Variants in ARSB observed in about 807,000 individuals in gnomAD.
The protein encoded by ARSB is arylsulfatase B.
A neutral mutation model predicts 50.9 loss-of-function variants in ARSB; 41 were observed. The observed-to-expected ratio is 0.81, with a 90% CI of 0.63 to 1.04. The LOEUF (loss-of-function observed/expected upper bound fraction) is 1.04. Among genes scored for constraint, ARSB ranks in the 50% least tolerant of loss-of-function variants. ARSB has a pLI of 0.00. For synonymous variants in ARSB, 269 were observed against 284.8 expected, an observed-to-expected ratio of 0.94 and a Z score of 0.56; for missense variants, 672 against 693.3, an observed-to-expected ratio of 0.97 and a Z score of 0.35.
At chr5:78,865,140 T>A in intron 5 of ARSB, among the ~76,000 whole-genome samples, 1 of 137,888 alleles carries the variant, frequency 7.3e-6, no homozygotes, top group Middle Eastern at 3.5e-3. Flanking sequence ...TGGCCCCACA[T>A]TTCCCTTCCA....
At chr5:78,829,202 C>A (rs957767010) in intron 6 of ARSB, among the ~76,000 whole-genome samples, 7 of 152,138 alleles carry the variant, frequency 4.6e-5, no homozygotes, top group African/African-American at 7.2e-5. Context: ...TGAAAACATT[C>A]AAAAAATACG....
At chr5:78,835,965 T>A (rs1452869982) in intron 6 of ARSB, among the ~76,000 whole-genome samples, 1 of 152,170 alleles carries the variant, frequency 6.6e-6, no homozygotes, top group East Asian at 1.9e-4. Context: ...TTGTTAACCC[T>A]CAGTTTACAC....
At chr5:78,945,677 C>T (rs1186072590) in intron 4 of ARSB, among the ~76,000 whole-genome samples, 1 of 152,192 alleles carries the variant, frequency 6.6e-6, no homozygotes, top group African/African-American at 2.4e-5. Context: ...TGAGTGGACC[C>T]CTGGGTCATG....
chr5:78,831,710 T>C (rs997617859), intron 6 of ARSB, among the ~76,000 whole-genome samples: 1 of 152,128 alleles, frequency 6.6e-6, no homozygotes. Context: ...TTCACTTGGA[T>C]TATAAAGAGT....
intron 5 of ARSB, among the ~76,000 whole-genome samples, chr5:78,850,270 T>G (rs77242603): frequency 3.4e-5 from 5 of 146,168 alleles, no homozygotes; most frequent in South Asian, 2.2e-4. Context: ...TAGCATGAAG[T>G]GTTGTTGAGT....
At chr5:78,813,170 T>A (rs1373510917) in intron 6 of ARSB, among the ~76,000 whole-genome samples, 2 of 152,030 alleles carry the variant, frequency 1.3e-5, no homozygotes, top group Non-Finnish European at 2.9e-5. Context: ...GTTCAAGTGA[T>A]TCTCCTGCCT....
At chr5:78,830,343 T>C (rs1744617781) in intron 6 of ARSB, among the ~76,000 whole-genome samples, 1 of 152,200 alleles carries the variant, frequency 6.6e-6, no homozygotes, top group Admixed American at 6.5e-5. Context: ...TCAAATGGCC[T>C]AACTCCAGAT....
chr5:78,838,724 G>A (rs148400898), intron 6 of ARSB, among the ~76,000 whole-genome samples: 143 of 152,332 alleles, frequency 9.4e-4, no homozygotes, highest in African/African-American at 3.3e-3. Context: ...AGGGCCACTC[G>A]CATGGTATTT....
At chr5:78,814,463 A>G (rs1362579136) in intron 6 of ARSB, among the ~76,000 whole-genome samples, 3 of 151,022 alleles carry the variant, frequency 2.0e-5, no homozygotes, top group African/African-American at 7.4e-5. Flanking sequence ...CTCTCACCAC[A>G]TAAAGCTACT....
chr5:78,800,210 C>A (rs1743333607), intron 6 of ARSB, among the ~76,000 whole-genome samples: 1 of 151,744 alleles, frequency 6.6e-6, no homozygotes, highest in African/African-American at 2.4e-5. Context: ...CCCAGCTACT[C>A]AGGAGGCTGA....
At chr5:78,920,827 G>T (rs1210340279) in intron 4 of ARSB, among the ~76,000 whole-genome samples, 1 of 152,126 alleles carries the variant, frequency 6.6e-6, no homozygotes, top group African/African-American at 2.4e-5. Context: ...TGCTTCCTCT[G>T]CAGCCTTGTT....
intron 4 of ARSB, among the ~76,000 whole-genome samples, chr5:78,892,190 G>A (rs1410064008): frequency 1.4e-5 from 2 of 147,780 alleles, no homozygotes; most frequent in East Asian, 2.0e-4. Context: ...AAAACATCAC[G>A]TTTTCATAAG....
intron 1 of ARSB, 82 bp downstream of exon 1, chr5:78,984,855 G>C: frequency 8.8e-7 from 1 of 1,131,810 alleles, no homozygotes; most frequent in Non-Finnish European, 1.1e-6. Flanking sequence ...CAGCGCCCGC[G>C]GCCTCAAGGG....
intron 5 of ARSB, among the ~76,000 whole-genome samples, chr5:78,871,362 A>G (rs915529450): frequency 9.9e-5 from 15 of 151,954 alleles, no homozygotes; most frequent in African/African-American, 3.6e-4. Context: ...TGCCAAGTCA[A>G]TCCTAAGCCA....
At chr5:78,875,054 A>G (rs1033360860) in intron 5 of ARSB, among the ~76,000 whole-genome samples, 2 of 152,216 alleles carry the variant, frequency 1.3e-5, no homozygotes, top group Non-Finnish European at 2.9e-5. Flanking sequence ...CAGAAGTTGC[A>G]GTGAGCTATG....
At chr5:78,839,633 C>T (rs1745106764) in intron 5 of ARSB, among the ~76,000 whole-genome samples, 1 of 152,132 alleles carries the variant, frequency 6.6e-6, no homozygotes, top group African/African-American at 2.4e-5. Flanking sequence ...TACATAAGAA[C>T]TTCAGTGTCA....
intron 5 of ARSB, among the ~76,000 whole-genome samples, chr5:78,857,350 T>C (rs1746200125): frequency 6.6e-6 from 1 of 152,216 alleles, no homozygotes. Context: ...AAAAAATACA[T>C]ATTGCAATCT....
intron 6 of ARSB, among the ~76,000 whole-genome samples, chr5:78,820,896 A>G (rs1744188682): frequency 6.6e-6 from 1 of 152,150 alleles, no homozygotes; most frequent in South Asian, 2.1e-4. Flanking sequence ...ACGGATCTGG[A>G]AAGATCTCCA....
chr5:78,945,131 G>A (rs535115685), intron 4 of ARSB, among the ~76,000 whole-genome samples: 13 of 152,302 alleles, frequency 8.5e-5, no homozygotes, highest in South Asian at 6.2e-4. Context: ...TTGGAAAAGC[G>A]CAGTATTAGG....
Sources: allele counts gnomAD v4.1 joint callset (sites outside exome capture counted in the v4.1 genomes callset), GRCh38; gene constraint gnomAD v4.1.1; transcripts MANE v1.5; gene names NCBI Gene and HGNC (gene_info 2026-07-23, HGNC 2026-07-21).